TEX36: variants seen among roughly 807,000 people sequenced by gnomAD.
TEX36 encodes testis expressed 36, also known as testis-expressed protein 36.
In TEX36, 12 loss-of-function variants were observed where a neutral mutation model predicts 13.6. That is an observed-to-expected ratio of 0.88 (90% CI 0.56 to 1.43). The LOEUF (loss-of-function observed/expected upper bound fraction) is 1.43. TEX36 is among the 40% of genes most tolerant of loss of function. TEX36 has a pLI of 0.00. For missense variants in TEX36, 224 were observed against 228.3 expected (o/e 0.98, Z 0.12); for synonymous variants, 93 against 83.0 (o/e 1.12, Z -0.65).
chr10:125,624,908 A>G (rs1846468542), intron 3 of TEX36, among the ~76,000 whole-genome samples: 1 of 152,190 alleles, frequency 6.6e-6, no homozygotes, highest in Admixed American at 6.5e-5. Context: ...GCGGGCACAG[A>G]TGTCCAAAGG....
intron 1 of TEX36, among the ~76,000 whole-genome samples, chr10:125,680,357 T>TA (rs1222644988): frequency 1.3e-5 from 2 of 152,222 alleles, no homozygotes; most frequent in African/African-American, 2.4e-5. Flanking sequence ...TAAATCACTG[T>TA]AAAAAATGGC....
At chr10:125,680,891 C>A (rs904727833) in intron 1 of TEX36, among the ~76,000 whole-genome samples, 5 of 152,140 alleles carry the variant, frequency 3.3e-5, no homozygotes, top group African/African-American at 1.2e-4. Context: ...AAAATTTCTT[C>A]CTATGAAATG....
In TEX36 at chr10:125,656,082, T is replaced by C. The variant is rs1589776655; in HGVS notation, c.379A>G (p.Ile127Val). The change falls in exon 4 of 4, where the codon ATA becomes GTA. Residue 127 changes from isoleucine to valine, a missense_variant. Coordinates refer to ENST00000368821, the MANE Select transcript of TEX36 (RefSeq NM_001128202.3). ...SCLDGFSNNQ[I>V]SYVYKEAMVV... ...ATGGCTTCTTTATATACGTATGATA[T>C]TTGGTTATTTGAAAAGCCATCAAGA... is the stretch of plus-strand genomic sequence containing the variant. 1 of 1,551,660 alleles carries C rather than the reference T, an allele frequency of 6.4e-7. No homozygotes were observed. Among genetic ancestry groups the C allele is most frequent in the Non-Finnish European group, 8.7e-7 (1 of 1,147,024 alleles).
At chr10:125,639,890 A>G (rs1453782030) in intron 3 of TEX36, among the ~76,000 whole-genome samples, 1 of 152,230 alleles carries the variant, frequency 6.6e-6, no homozygotes, top group African/African-American at 2.4e-5. Flanking sequence ...CAGATGTTAG[A>G]GAGGGATTGG....
chr10:125,614,340 A>T (rs1231308232), intron 3 of TEX36, among the ~76,000 whole-genome samples: 2 of 152,108 alleles, frequency 1.3e-5, no homozygotes, highest in Admixed American at 6.5e-5. Flanking sequence ...GGTGTTTTAG[A>T]CATGAAGTCC....
chr10:125,661,791 T>C (rs1428342400), intron 2 of TEX36, 55 bp downstream of exon 2: 18 of 1,539,548 alleles, frequency 1.2e-5, no homozygotes, highest in Non-Finnish European at 1.6e-5. Context: ...CCAGCGGCGC[T>C]GCCCCCTGGG....
At chr10:125,581,788 T>C (rs1565165919) in intron 3 of TEX36, among the ~76,000 whole-genome samples, 2 of 152,176 alleles carry the variant, frequency 1.3e-5, no homozygotes, top group African/African-American at 4.8e-5. Context: ...TGTAGGGTGG[T>C]GGTCTCTCAA....
chr10:125,599,082 C>T (rs984818574), intron 3 of TEX36, among the ~76,000 whole-genome samples: 1 of 152,084 alleles, frequency 6.6e-6, no homozygotes, highest in Non-Finnish European at 1.5e-5. Context: ...TGAAAAGGTA[C>T]TTATCTTGGA....
chr10:125,663,827 C>A (rs1429692181), intron 1 of TEX36, among the ~76,000 whole-genome samples: 1 of 152,152 alleles, frequency 6.6e-6, no homozygotes, highest in Non-Finnish European at 1.5e-5. Context: ...TCCATCACCT[C>A]CAGCATTTAT....
chr10:125,625,674 T>C (rs367896004), intron 3 of TEX36, among the ~76,000 whole-genome samples: 157 of 152,334 alleles, frequency 1.0e-3, no homozygotes, highest in African/African-American at 3.7e-3. Flanking sequence ...CATAAATATG[T>C]CATACGTGTT....
chr10:125,683,142 TC>T lies in TEX36; in HGVS notation c.-154del. Reference sequence around the variant, plus strand: ...TCCTGATCTTTACTTCTCAGCCTCTTCCAGGAGGGGAAGGTGCGGGTGCCCA... The same window carrying T: ...TCCTGATCTTTACTTCTCAGCCTCTTCAGGAGGGGAAGGTGCGGGTGCCCA... On this transcript the variant is annotated 5_prime_UTR_variant, in exon 1 of 4. Transcript: ENST00000368821. The T allele has an allele frequency of 1.1e-6, 1 of 874,230 alleles. No homozygotes were observed. Among genetic ancestry groups the T allele is most frequent in the Non-Finnish European group, 1.8e-6 (1 of 547,550 alleles). 54.2% of individuals were successfully genotyped at this position (874,230 alleles called of 1,614,324 possible). A position where few individuals can be genotyped will look rare whatever the true frequency, so the allele number is the denominator to read the frequency against.
intron 3 of TEX36, among the ~76,000 whole-genome samples, chr10:125,593,190 C>CA (rs1846043021): frequency 1.3e-5 from 2 of 152,156 alleles, no homozygotes; most frequent in African/African-American, 4.8e-5. Context: ...CCCAAGGGCC[C>CA]CAGCCACCAG....
intron 3 of TEX36, among the ~76,000 whole-genome samples, chr10:125,584,050 G>A (rs1845915172): frequency 6.6e-6 from 1 of 152,184 alleles, no homozygotes; most frequent in Non-Finnish European, 1.5e-5. Context: ...TTCCACTCCT[G>A]TCCTCTTCGA....
At chr10:125,626,736 A>G (rs1846495167) in intron 3 of TEX36, among the ~76,000 whole-genome samples, 1 of 152,164 alleles carries the variant, frequency 6.6e-6, no homozygotes, top group African/African-American at 2.4e-5. Flanking sequence ...GCTGGAAGCA[A>G]TGGGATCCAG....
At chr10:125,652,367 A>G (rs1031434343), downstream of TEX36, among the ~76,000 whole-genome samples, 3 of 152,224 alleles carry the variant, frequency 2.0e-5, no homozygotes, top group African/African-American at 7.2e-5. Flanking sequence ...GACAAACCTG[A>G]CAAAAACAAG....
At chr10:125,613,630 A>T (rs1589754946) in intron 3 of TEX36, among the ~76,000 whole-genome samples, 1 of 151,772 alleles carries the variant, frequency 6.6e-6, no homozygotes, top group Non-Finnish European at 1.5e-5. Context: ...TTATGGCTGC[A>T]TAGTATTCCA....
chr10:125,651,605 C>T (rs752585445), downstream of TEX36, among the ~76,000 whole-genome samples: 16 of 152,194 alleles, frequency 1.1e-4, no homozygotes, highest in Non-Finnish European at 1.9e-4. Flanking sequence ...GATGCCCTCT[C>T]TCACCACTCC....
intron 1 of TEX36, 66 bp downstream of exon 1, chr10:125,682,873 C>T (rs1847417954): frequency 6.6e-7 from 1 of 1,515,712 alleles, no homozygotes; most frequent in Admixed American, 2.0e-5. Context: ...AGGATTGGAA[C>T]TCCTCAGACT....
intron 3 of TEX36, among the ~76,000 whole-genome samples, chr10:125,625,673 G>A (rs958269989): frequency 1.3e-5 from 2 of 152,190 alleles, no homozygotes; most frequent in South Asian, 2.1e-4. Flanking sequence ...CCATAAATAT[G>A]TCATACGTGT....
Sources: gnomAD v4.1 joint callset for allele counts (sites outside exome capture counted in the v4.1 genomes callset) on GRCh38, gnomAD v4.1.1 for gene constraint, MANE v1.5 for transcripts, NCBI Gene and HGNC (gene_info 2026-07-23, HGNC 2026-07-21) for gene names.